TTC28: variants seen among roughly 807,000 people sequenced by gnomAD.
The protein encoded by TTC28 is tetratricopeptide repeat domain 28.
In TTC28, 61 loss-of-function variants were observed where a neutral mutation model predicts 198.0. The observed-to-expected ratio is 0.31, with a 90% CI of 0.25 to 0.38. The LOEUF is 0.38. Among genes scored for constraint, TTC28 ranks in the 10% least tolerant of loss-of-function variants. TTC28 has a pLI of 1.00. For missense variants in TTC28, 2,678 were observed against 3,164.0 expected (o/e 0.85, Z 3.69); for synonymous variants, 1,171 against 1,297.8 (o/e 0.90, Z 2.10).
At chr22:28,607,820 T>A (rs1162810216) in intron 2 of TTC28, among the ~76,000 whole-genome samples, 1 of 152,280 alleles carries the variant, frequency 6.6e-6, no homozygotes, top group East Asian at 1.9e-4. Flanking sequence ...ATATCCCAAA[T>A]CCCTCAGGTT....
At chr22:28,530,972 C>G (rs1051368912) in intron 2 of TTC28, among the ~76,000 whole-genome samples, 1 of 152,132 alleles carries the variant, frequency 6.6e-6, no homozygotes, top group Non-Finnish European at 1.5e-5. Flanking sequence ...CTGTAAAGAC[C>G]ATTGATGCTA....
Position 27,981,213 on chromosome 22 carries a change from T to TGTAG in TTC28, c.*1007_*1008insCTAC, listed in dbSNP as rs1182969693. On this transcript the variant is annotated 3_prime_UTR_variant, in exon 23 of 23. Transcript: ENST00000397906. ...CCTGGAAGGCGGGATTCTGGTTAAA[T>TGTAG]CTAGTTAGCCATGGAAATTTTTTTT... The TGTAG allele has an allele frequency of 7.0e-6, 1 of 142,388 alleles. No homozygotes were observed. The highest frequency in any genetic ancestry group is 2.6e-5 in the African/African-American group (1 of 38,112). The allele number at this position is 142,388 out of a possible 1,614,324, so 8.8% of individuals were successfully genotyped here.
intron 14 of TTC28, among the ~76,000 whole-genome samples, chr22:28,004,120 C>T (rs1937828336): frequency 6.6e-6 from 1 of 152,248 alleles, no homozygotes; most frequent in Non-Finnish European, 1.5e-5. Flanking sequence ...CCTACCCAGG[C>T]TGACGCTGGG....
chr22:28,016,670 T>G (rs1024593476), intron 13 of TTC28, among the ~76,000 whole-genome samples: 11 of 152,154 alleles, frequency 7.2e-5, no homozygotes, highest in African/African-American at 2.7e-4. Context: ...AGATGACTGA[T>G]GGGGACACTT....
intron 2 of TTC28, among the ~76,000 whole-genome samples, chr22:28,618,298 A>G (rs1273198488): frequency 2.0e-5 from 3 of 152,056 alleles, no homozygotes; most frequent in Non-Finnish European, 2.9e-5. Flanking sequence ...CAATCAATCA[A>G]TGGTTGTTAT....
At chr22:28,244,167 G>T (rs1929906532) in intron 5 of TTC28, among the ~76,000 whole-genome samples, 1 of 152,126 alleles carries the variant, frequency 6.6e-6, no homozygotes, top group African/African-American at 2.4e-5. Flanking sequence ...AAAGTAGTAA[G>T]GAAGGAGGAC....
chr22:28,081,603 C>T (rs1941364727), intron 12 of TTC28, among the ~76,000 whole-genome samples: 1 of 151,930 alleles, frequency 6.6e-6, no homozygotes, highest in Non-Finnish European at 1.5e-5. Context: ...AGTGATTCTC[C>T]CCCTTCAGCC....
At chr22:28,372,727 C>G (rs1267301632) in intron 2 of TTC28, among the ~76,000 whole-genome samples, 2 of 152,144 alleles carry the variant, frequency 1.3e-5, no homozygotes, top group Non-Finnish European at 2.9e-5. Context: ...GGCCCCTAAC[C>G]CCACCAACAT....
intron 2 of TTC28, among the ~76,000 whole-genome samples, chr22:28,545,098 G>A (rs925032203): frequency 6.6e-6 from 1 of 152,110 alleles, no homozygotes; most frequent in Non-Finnish European, 1.5e-5. Flanking sequence ...ACCCTCTCTT[G>A]GGGTCTGGAT....
Position 28,629,767 on chromosome 22 carries a change from C to A in TTC28, c.166G>T (p.Ala56Ser). Residue 56 changes from alanine to serine, a missense_variant, in exon 2 of 23, where the codon GCT becomes TCT. Coordinates refer to ENST00000397906, the MANE Select transcript of TTC28 (RefSeq NM_001145418.2). ...TGACGAACTTTCTCAACAAATTCAG[C>A]TTTGCTCAGTACCGGTCCATCAGGA... ...RSPDGPVLSK[A>S]EFVEKVRQSN... 1.9e-6 allele frequency: 3 copies of A among 1,551,730 alleles called. No homozygotes were observed. The highest frequency in any genetic ancestry group is 2.6e-6 in the Non-Finnish European group (3 of 1,146,986).
chr22:28,036,019 G>C (rs983173508), intron 12 of TTC28, among the ~76,000 whole-genome samples: 2 of 152,134 alleles, frequency 1.3e-5, no homozygotes, highest in African/African-American at 4.8e-5. Context: ...AAGAGACTTA[G>C]ACTCCCACTG....
At chr22:28,368,664 G>A (rs567229545) in intron 2 of TTC28, among the ~76,000 whole-genome samples, 1 of 151,892 alleles carries the variant, frequency 6.6e-6, no homozygotes, top group Non-Finnish European at 1.5e-5. Context: ...CTCCACCAAA[G>A]AACTATTAGA....
intron 2 of TTC28, among the ~76,000 whole-genome samples, chr22:28,488,525 T>G (rs1207050900): frequency 2.0e-5 from 3 of 152,190 alleles, no homozygotes; most frequent in African/African-American, 7.2e-5. Context: ...TATCAATGGG[T>G]ATGTTATGAA....
intron 2 of TTC28, among the ~76,000 whole-genome samples, chr22:28,332,524 T>C (rs550566006): frequency 2.4e-4 from 37 of 152,182 alleles, no homozygotes; most frequent in African/African-American, 8.7e-4. Context: ...TGGCAAATGT[T>C]AAACTACCAA....
chr22:28,654,383 A>G (rs2051611166), intron 1 of TTC28, among the ~76,000 whole-genome samples: 1 of 152,156 alleles, frequency 6.6e-6, no homozygotes, highest in Admixed American at 6.5e-5. Context: ...GCTGGAGTGC[A>G]GTGGCGCAAT....
At chr22:28,435,519 C>T (rs977872299) in intron 2 of TTC28, among the ~76,000 whole-genome samples, 4 of 152,194 alleles carry the variant, frequency 2.6e-5, no homozygotes, top group Admixed American at 6.5e-5. Flanking sequence ...AATGAATTCA[C>T]TGTAGAAGCT....
At chr22:28,367,030 C>T (rs552775011) in intron 2 of TTC28, among the ~76,000 whole-genome samples, 44 of 151,980 alleles carry the variant, frequency 2.9e-4, no homozygotes, top group Admixed American at 1.2e-3. Context: ...GACAGATCTC[C>T]CAGACAAAAA....
At chr22:28,233,588 C>G (rs1319838316) in intron 5 of TTC28, among the ~76,000 whole-genome samples, 2 of 152,126 alleles carry the variant, frequency 1.3e-5, no homozygotes, top group East Asian at 3.8e-4. Flanking sequence ...ATTCTTCAGA[C>G]ATTACAGACT....
chr22:28,503,714 G>A lies in TTC28; in HGVS notation c.381+125838C>T, dbSNP rs924233970. ...AATAGTATTAGCTAAGAACTTTAAC[G>A]CATATTACAGATTATCAAGATGCTG... is the stretch of plus-strand genomic sequence containing the variant. On this transcript the variant is annotated intron_variant, in intron 2 of 22. Coordinates refer to ENST00000397906, the MANE Select transcript of TTC28 (RefSeq NM_001145418.2). 8.7e-4 allele frequency among the ~76,000 whole-genome samples: 132 copies of A among 152,164 alleles called. 1 individual carries two copies. The highest frequency in any genetic ancestry group is 3.0e-3 in the African/African-American group (123 of 41,528).
Sources: gnomAD v4.1 joint callset for allele counts (sites outside exome capture counted in the v4.1 genomes callset) on GRCh38, gnomAD v4.1.1 for gene constraint, MANE v1.5 for transcripts, NCBI Gene and HGNC (gene_info 2026-07-23, HGNC 2026-07-21) for gene names.